USP24: variants seen among roughly 807,000 people sequenced by gnomAD.
USP24 encodes ubiquitin carboxyl-terminal hydrolase 24.
In USP24, 97 loss-of-function variants were observed where a neutral mutation model predicts 361.6. The ratio of observed to expected loss-of-function variants is 0.27; its 90% CI spans 0.23 to 0.32. The LOEUF is 0.32. Among genes scored for constraint, USP24 ranks in the 10% least tolerant of loss-of-function variants. USP24 has a pLI of 1.00. For synonymous variants in USP24, 1,098 were observed against 1,124.6 expected (o/e 0.98, Z 0.47); for missense variants, 2,353 against 3,165.6 (o/e 0.74, Z 6.16).
At chr1:55,184,302 C>T (rs1644064640) in intron 1 of USP24, among the ~76,000 whole-genome samples, 2 of 152,178 alleles carry the variant, frequency 1.3e-5, no homozygotes, top group East Asian at 3.8e-4. Context: ...AGCAATCCAC[C>T]TGCCTCAGCC....
At position 55,157,352 on chromosome 1, in the gene USP24, C is replaced by G. The variant is rs1380082380; in HGVS notation, c.1246G>C (p.Asp416His). Residue 416 changes from aspartate (D) to histidine (H), a missense_variant, in exon 11 of 68, where the codon GAT (aspartate) becomes CAT (histidine). Around this residue, in one of 8 missense-constraint regions of USP24, gnomAD observed 386 missense variants for 560.5 expected, o/e 0.69. Transcript: ENST00000294383. ...SLKEVTKLIE[D>H]STLSKSVKNA... ...TTCACAGATTTGGATAAAGTGCTAT[C>G]TTCTATTAGTTTGGTTACCTAAAAA... is the stretch of plus-strand genomic sequence containing the variant. 1 of 1,586,280 alleles carries G rather than the reference C, an allele frequency of 6.3e-7. No individual in the cohort carries two copies. Among genetic ancestry groups the G allele is most frequent in the East Asian group, 2.3e-5 (1 of 44,216 alleles).
At chr1:55,147,907 CA>C in intron 17 of USP24, 109 bp from the exon 18 acceptor site, 1 of 1,153,084 alleles carries the variant, frequency 8.7e-7, no homozygotes, top group Non-Finnish European at 1.2e-6. Flanking sequence ...ACAAAGCAAA[CA>C]TAAGAATTTC....
intron 42 of USP24, among the ~76,000 whole-genome samples, chr1:55,102,788 A>C (rs1645670642): frequency 6.6e-6 from 1 of 152,246 alleles, no homozygotes; most frequent in South Asian, 2.1e-4. Flanking sequence ...ATGTAAGGAA[A>C]AACATAAGAA....
chr1:55,083,216 C>T, intron 58 of USP24, 56 bp downstream of exon 58: 1 of 1,547,938 alleles, frequency 6.5e-7, no homozygotes, highest in Non-Finnish European at 8.9e-7. Context: ...CAAAAAGAAA[C>T]ACAGCGGCTA....
At chr1:55,199,617 G>C (rs1644511775) in intron 1 of USP24, among the ~76,000 whole-genome samples, 1 of 148,252 alleles carries the variant, frequency 6.7e-6, no homozygotes, top group South Asian at 2.1e-4. Flanking sequence ...GTGTGTGTGT[G>C]TGTGTGAGAG....
chr1:55,106,317 G>T, intron 40 of USP24, 54 bp from the exon 41 acceptor site: 1 of 1,395,952 alleles, frequency 7.2e-7, no homozygotes. Context: ...TTAATTCAAA[G>T]ATCCTATCTT....
At chr1:55,140,586 A>T (rs1202105633) in intron 24 of USP24, among the ~76,000 whole-genome samples, 2 of 152,206 alleles carry the variant, frequency 1.3e-5, no homozygotes, top group African/African-American at 4.8e-5. Context: ...TTAAAAAAGA[A>T]GAATGGAAGA....
rs1472807809 is a variant in USP24 at position 55,199,620 on chromosome 1, T to TGAGAGAGA, written c.324+15169_324+15170insTCTCTCTC. 7.7e-4 allele frequency among the ~76,000 whole-genome samples: 74 copies of TGAGAGAGA among 96,410 alleles called. 1 individual carries two copies. Among genetic ancestry groups the TGAGAGAGA allele is most frequent in the South Asian group, 1.1e-3 (3 of 2,650 alleles). 63.2% of individuals were successfully genotyped at this position (96,410 alleles called of 152,430 possible). On this transcript the variant is annotated intron_variant, in intron 1 of 67. Transcript: ENST00000294383. ...GTGTGTGTGTGTGTGTGTGTGTGTG[T>TGAGAGAGA]GTGAGAGAGAGAGAGACAGACAGAG...
intron 65 of USP24, 130 bp downstream of exon 65, chr1:55,072,656 G>T: frequency 1.0e-6 from 1 of 966,458 alleles, no homozygotes; most frequent in African/African-American, 1.6e-5. Flanking sequence ...ATAAACTGTA[G>T]CAAAGAAATG....
At chr1:55,110,805 C>T (rs915963699) in intron 38 of USP24, among the ~76,000 whole-genome samples, 1 of 152,088 alleles carries the variant, frequency 6.6e-6, no homozygotes, top group Non-Finnish European at 1.5e-5. Flanking sequence ...GGGTTTTAAA[C>T]CCGGCTCCCC....
chr1:55,180,353 C>T (rs1569617057), intron 1 of USP24, among the ~76,000 whole-genome samples: 1 of 152,172 alleles, frequency 6.6e-6, no homozygotes, highest in African/African-American at 2.4e-5. Flanking sequence ...ACATGGACAC[C>T]ATGTCCTGAG....
intron 1 of USP24, among the ~76,000 whole-genome samples, chr1:55,197,125 C>T (rs554669991): frequency 1.4e-3 from 209 of 152,246 alleles, no homozygotes; most frequent in African/African-American, 4.7e-3. Flanking sequence ...TTTAGAATGC[C>T]GTTCCCTCAG....
chr1:55,208,865 G>A (rs1644777996), intron 1 of USP24, among the ~76,000 whole-genome samples: 1 of 151,988 alleles, frequency 6.6e-6, no homozygotes. Flanking sequence ...GAAACTGGAA[G>A]GCGGACGTTG....
At chr1:55,161,180 T>A (rs940958395) in intron 8 of USP24, among the ~76,000 whole-genome samples, 9 of 152,124 alleles carry the variant, frequency 5.9e-5, no homozygotes, top group Non-Finnish European at 8.8e-5. Flanking sequence ...GAGACCAGCC[T>A]GGCCAGCATG....
At chr1:55,157,166 G>C in intron 11 of USP24, 90 bp downstream of exon 11, 1 of 1,348,026 alleles carries the variant, frequency 7.4e-7, no homozygotes, top group Non-Finnish European at 1.0e-6. Flanking sequence ...GACTAATACA[G>C]TCAAAGCAAC....
At chr1:55,142,477 C>G (rs1417732584) in intron 23 of USP24, among the ~76,000 whole-genome samples, 1 of 152,068 alleles carries the variant, frequency 6.6e-6, no homozygotes, top group Non-Finnish European at 1.5e-5. Flanking sequence ...GACCTATTTT[C>G]TGAAGATAGT....
rs1283934735 is a variant in USP24, at chr1:55,181,046, T to C, written c.325-2914A>G. Reference sequence around the variant, plus strand: ...CCAAATTGCCTAATACGCACACTAGTTTGTATTTTTTTTTTTTGGAAACCT... The same window carrying C: ...CCAAATTGCCTAATACGCACACTAGCTTGTATTTTTTTTTTTTGGAAACCT... On this transcript the variant is annotated intron_variant, in intron 1 of 67. Coordinates refer to ENST00000294383, the MANE Select transcript of USP24 (RefSeq NM_015306.3). 3.3e-5 allele frequency among the ~76,000 whole-genome samples: 5 copies of C among 149,492 alleles called. No individual in the cohort carries two copies. In the East Asian group the frequency reaches 9.8e-4, roughly 29 times the overall value.
chr1:55,138,624 T>C lies in USP24; in HGVS notation c.2912A>G (p.Asp971Gly). 6.2e-7 allele frequency: 1 copy of C among 1,610,788 alleles called. No homozygotes were observed. Among genetic ancestry groups the C allele is most frequent in the South Asian group, 1.1e-5 (1 of 90,730 alleles). Residue 971 changes from aspartate (D) to glycine (G), a missense_variant, in exon 26 of 68, where the codon GAT becomes GGT. Around this residue, in one of 8 missense-constraint regions of USP24, gnomAD observed 949 missense variants for 1,280.5 expected, o/e 0.74. Coordinates refer to ENST00000294383, the MANE Select transcript of USP24 (RefSeq NM_015306.3). ...TAAACCTACCTCGACAGTGAAGGTATCTTTGGTAGACTCATAGGTAACATT... is the reference window on the plus strand; with the variant it reads ...TAAACCTACCTCGACAGTGAAGGTACCTTTGGTAGACTCATAGGTAACATT... ...TLNVTYESTK[D>G]TFTVEAHSNE...
intron 25 of USP24, 102 bp downstream of exon 25, chr1:55,138,842 G>T: frequency 7.5e-7 from 1 of 1,332,422 alleles, no homozygotes. Context: ...AACTGGGTGT[G>T]GTGGTGTGTG....
Sources: allele counts gnomAD v4.1 joint callset (sites outside exome capture counted in the v4.1 genomes callset), GRCh38; gene constraint gnomAD v4.1.1; regional missense constraint gnomAD v4.1.1; transcripts MANE v1.5; gene names NCBI Gene and HGNC (gene_info 2026-07-23, HGNC 2026-07-21).